VTA1: variants seen among roughly 807,000 people sequenced by gnomAD.
VTA1 encodes vesicle trafficking 1.
VTA1 carries 24 observed loss-of-function variants against 36.9 expected under a neutral mutation model. The observed-to-expected ratio is 0.65, with a 90% CI of 0.47 to 0.91. VTA1 has a LOEUF of 0.91. Among genes scored for constraint, VTA1 ranks in the 40% least tolerant of loss-of-function variants. VTA1 has a pLI of 0.00. For missense variants in VTA1, 393 were observed against 377.2 expected (o/e 1.04, Z -0.35); for synonymous variants, 142 against 130.2 (o/e 1.09, Z -0.62).
chr6:142,163,559 A>G (rs1314187378), intron 1 of VTA1, among the ~76,000 whole-genome samples: 1 of 152,090 alleles, frequency 6.6e-6, no homozygotes, highest in South Asian at 2.1e-4. Context: ...ACTAAAGAAG[A>G]CTGCAAATAC....
chr6:142,182,967 A>G (rs1775270193), intron 4 of VTA1, among the ~76,000 whole-genome samples: 1 of 152,164 alleles, frequency 6.6e-6, no homozygotes, highest in Admixed American at 6.6e-5. Context: ...AAGGACAAGT[A>G]TAAAAGGACT....
At chr6:142,163,695 G>C (rs1282399321) in intron 1 of VTA1, among the ~76,000 whole-genome samples, 1 of 152,146 alleles carries the variant, frequency 6.6e-6, no homozygotes, top group East Asian at 1.9e-4. Context: ...GCATGGGGGT[G>C]TGGGGAAGAG....
At chr6:142,180,557 AAAG>A (rs764728578) in intron 4 of VTA1, among the ~76,000 whole-genome samples, 121 of 148,964 alleles carry the variant, frequency 8.1e-4, no homozygotes, top group Non-Finnish European at 1.4e-3. Flanking sequence ...AGTTTGATAA[AAAG>A]AAGTATATTT....
At chr6:142,172,157 T>C (rs1173753610) in intron 4 of VTA1, among the ~76,000 whole-genome samples, 4 of 152,136 alleles carry the variant, frequency 2.6e-5, no homozygotes, top group African/African-American at 9.7e-5. Context: ...CCTACAGGTG[T>C]GCACCACCAC....
chr6:142,202,573 A>G lies in VTA1; in HGVS notation c.698-1412A>G, dbSNP rs1482090659. The stretch of plus-strand genomic sequence containing the variant: ...CATTAAGTGAAAAATGCATAAAACT[A>G]AAGTATAGTATGCAGAACTTACTAC... On this transcript the variant is annotated intron_variant, in intron 6 of 7. Coordinates refer to ENST00000367630, the MANE Select transcript of VTA1 (RefSeq NM_016485.5). Among the ~76,000 whole-genome samples the G allele has an allele frequency of 3.3e-5, 5 of 152,032 alleles. No individual in the cohort carries two copies. In the East Asian group the frequency reaches 9.6e-4, roughly 29 times the overall value.
At chr6:142,165,302 G>A (rs1475060440) in intron 1 of VTA1, among the ~76,000 whole-genome samples, 3 of 152,086 alleles carry the variant, frequency 2.0e-5, no homozygotes, top group African/African-American at 7.2e-5. Context: ...GGGGGGCAGC[G>A]TAACCGTAGG....
At chr6:142,169,849 T>A (rs972244301) in intron 3 of VTA1, among the ~76,000 whole-genome samples, 172 bp downstream of exon 3, 100 of 152,246 alleles carry the variant, frequency 6.6e-4, no homozygotes, top group African/African-American at 2.3e-3. Context: ...CTTTCTCTTA[T>A]AAGAAAATGG....
At position 142,222,473 on chromosome 6, in the gene VTA1, C is replaced by G. The variant is rs554997250; in HGVS notation, c.*3830C>G. 2.0e-4 allele frequency: 31 copies of G among 152,210 alleles called. No homozygotes were observed. The highest frequency in any genetic ancestry group is 6.3e-4 in the African/African-American group (26 of 41,542). 9.4% of individuals were successfully genotyped at this position (152,210 alleles called of 1,614,324 possible). On this transcript the variant is annotated 3_prime_UTR_variant, in exon 8 of 8. Transcript: ENST00000367630. The stretch of plus-strand genomic sequence containing the variant: ...CAAGAAAAAGACTCCAGTTATGGGT[C>G]TTGAAAATTAATATCCTCAGATGTT...
chr6:142,211,214 C>T (rs576961096), intron 7 of VTA1, among the ~76,000 whole-genome samples: 11 of 152,022 alleles, frequency 7.2e-5, no homozygotes, highest in South Asian at 4.2e-4. Flanking sequence ...AAAGAATATA[C>T]GTGTTTTTAT....
chr6:142,162,287 G>C (rs1368468900), intron 1 of VTA1, among the ~76,000 whole-genome samples: 1 of 152,142 alleles, frequency 6.6e-6, no homozygotes, highest in Non-Finnish European at 1.5e-5. Context: ...TTTCTCTACT[G>C]TCTAGGTTGT....
rs553698707 is a variant in VTA1 at position 142,202,097 on chromosome 6, T to C, written c.698-1888T>C. ...ATCTACATAAGCCTAGGTACACCTG[T>C]TTCAAAGCACTAGACATGACTAGTG... is the stretch of plus-strand genomic sequence containing the variant. On this transcript the variant is annotated intron_variant, in intron 6 of 7. Transcript: ENST00000367630. Among the ~76,000 whole-genome samples, 8 of 152,070 alleles carry C rather than the reference T, an allele frequency of 5.3e-5. No individual in the cohort carries two copies. The South Asian group carries it at 1.7e-3, about 31-fold the overall frequency.
chr6:142,178,607 T>A (rs1331234818), intron 4 of VTA1, among the ~76,000 whole-genome samples: 3 of 152,130 alleles, frequency 2.0e-5, no homozygotes, highest in South Asian at 2.1e-4. Context: ...TACATGACTA[T>A]ATTTGTAAAA....
intron 4 of VTA1, among the ~76,000 whole-genome samples, chr6:142,182,368 A>G (rs1437697209): frequency 2.0e-5 from 3 of 152,180 alleles, no homozygotes; most frequent in Non-Finnish European, 4.4e-5. Context: ...GGATTCAAAC[A>G]GAGAATTTAT....
chr6:142,155,580 CTT>C (rs1179460730), intron 1 of VTA1, among the ~76,000 whole-genome samples: 1 of 152,148 alleles, frequency 6.6e-6, no homozygotes, highest in Non-Finnish European at 1.5e-5. Context: ...CTGAAGAAAT[CTT>C]TGTCTTCAGT....
chr6:142,160,026 CTT>C (rs1443949457), intron 1 of VTA1, among the ~76,000 whole-genome samples: 1 of 152,070 alleles, frequency 6.6e-6, no homozygotes, highest in Non-Finnish European at 1.5e-5. Context: ...CTGTTGGCCT[CTT>C]TAGTAATTTT....
chr6:142,200,263 A>C (rs1775653689), intron 6 of VTA1, among the ~76,000 whole-genome samples: 1 of 152,084 alleles, frequency 6.6e-6, no homozygotes, highest in African/African-American at 2.4e-5. Context: ...GCCTATCACA[A>C]AATCAGTGTT....
chr6:142,166,383 G>T, intron 2 of VTA1, 61 bp downstream of exon 2: 2 of 1,260,144 alleles, frequency 1.6e-6, no homozygotes, highest in Non-Finnish European at 2.3e-6. Flanking sequence ...TTATTCATTT[G>T]CGTGTCTGTG....
intron 5 of VTA1, among the ~76,000 whole-genome samples, chr6:142,195,697 T>G (rs1755305447): frequency 6.6e-6 from 1 of 151,376 alleles, no homozygotes. Context: ...TCTTTCAGTT[T>G]CCCTCTAAGC....
intron 1 of VTA1, among the ~76,000 whole-genome samples, chr6:142,154,160 C>T (rs115596819): frequency 0.014 from 2,061 of 152,058 alleles, 58 homozygotes; most frequent in African/African-American, 0.046. Context: ...TTCTCCTTTT[C>T]GCTACCTCAC....
Sources: gnomAD v4.1 joint callset for allele counts (sites outside exome capture counted in the v4.1 genomes callset) on GRCh38, gnomAD v4.1.1 for gene constraint, MANE v1.5 for transcripts, NCBI Gene and HGNC (gene_info 2026-07-23, HGNC 2026-07-21) for gene names.